Variants in NTRK1 observed in about 807,000 individuals in gnomAD.
NTRK1 encodes the protein high affinity nerve growth factor receptor.
A neutral mutation model predicts 86.8 loss-of-function variants in NTRK1; 62 were observed. The observed-to-expected ratio is 0.71, with a 90% confidence interval of 0.58 to 0.88. The LOEUF is 0.88. Ranked by LOEUF, NTRK1 falls within the 40% of genes least tolerant of loss-of-function variation. NTRK1 has a pLI of 0.00. For missense variants in NTRK1, 967 were observed against 1,078.4 expected (o/e 0.90, Z 1.45); for synonymous variants, 469 against 456.6 (o/e 1.03, Z -0.35).
chr1:156,852,773 G>C (rs1655270676), intron 2 of NTRK1, among the ~76,000 whole-genome samples: 1 of 152,250 alleles, frequency 6.6e-6, no homozygotes, highest in East Asian at 1.9e-4. Flanking sequence ...TGTGGGGTAG[G>C]GGTCAGCCAG....
chr1:156,842,113 C>T (rs1306587682), exon 2 of NTRK1: 20 of 1,613,898 alleles, frequency 1.2e-5, no homozygotes, highest in Non-Finnish European at 1.6e-5. Context: ...CCTCTGTACC[C>T]CCGATCTTGA....
Position 156,868,940 on chromosome 1 carries a change from G to GA in NTRK1, c.717+294dup, listed in dbSNP as rs1180772867. Among the ~76,000 whole-genome samples the GA allele has an allele frequency of 3.3e-5, 5 of 152,274 alleles. No individual in the cohort carries two copies. In the East Asian group the frequency reaches 9.7e-4, roughly 29 times the overall value. ...GGAACATGGTGTTGGCTGCAAGGGA[G>GA]AGGGTCACAGAAACCTTACATGTTG... On this transcript the variant is annotated intron_variant, in intron 6 of 16. Coordinates refer to ENST00000524377, the MANE Select transcript of NTRK1 (RefSeq NM_002529.4).
chr1:156,816,769 C>T, intron 1 of NTRK1: 5 of 1,466,062 alleles, frequency 3.4e-6, no homozygotes, highest in African/African-American at 1.4e-5. Flanking sequence ...GAAAGGTGTG[C>T]ACACTCAGCA....
At chr1:156,874,685 C>T (rs2102910669) in intron 10 of NTRK1, 59 bp downstream of exon 10, 1 of 1,522,380 alleles carries the variant, frequency 6.6e-7, no homozygotes, top group Non-Finnish European at 9.0e-7. Flanking sequence ...GGTAGAGGCT[C>T]ATCTGCATGT....
chr1:156,818,441 G>A (rs892153377), intron 1 of NTRK1, among the ~76,000 whole-genome samples: 3 of 152,156 alleles, frequency 2.0e-5, no homozygotes, highest in African/African-American at 7.2e-5. Flanking sequence ...CCCAAGCAGT[G>A]TACACTGTCC....
intron 1 of NTRK1, among the ~76,000 whole-genome samples, chr1:156,826,760 C>G (rs187066646): frequency 6.7e-4 from 102 of 152,322 alleles, no homozygotes; most frequent in Non-Finnish European, 2.2e-4. Context: ...TTTGCAGAAT[C>G]ATAGTATCTT....
intron 12 of NTRK1, 188 bp downstream of exon 12, chr1:156,875,854 C>A: frequency 9.2e-7 from 1 of 1,090,180 alleles, no homozygotes; most frequent in Non-Finnish European, 1.3e-6. Flanking sequence ...TTAGCTGCAT[C>A]CCCTGCCCAG....
In NTRK1 at chr1:156,841,145, C is replaced by T. The variant is rs766148962; in HGVS notation, c.-63-936C>T. 4 of 1,444,896 alleles carry T rather than the reference C, an allele frequency of 2.8e-6. No homozygotes were observed. In the South Asian group the frequency reaches 4.9e-5, roughly 18 times the overall value. 89.5% of individuals were successfully genotyped at this position (1,444,896 alleles called of 1,614,324 possible). A position where few individuals can be genotyped will look rare whatever the true frequency, so the allele number is the denominator to read the frequency against. ...AGCAGGGTCAGAGGCATCCGGGAGC[C>T]CCTGCCACGCTCTCAGCCTCCTGCA... On this transcript the variant is annotated intron_variant, in intron 1 of 16. Coordinates refer to the NTRK1 transcript ENST00000392302.
intron 3 of NTRK1, among the ~76,000 whole-genome samples, chr1:156,866,340 A>T (rs897011704): frequency 6.6e-6 from 1 of 152,138 alleles, no homozygotes; most frequent in African/African-American, 2.4e-5. Flanking sequence ...TGCTGGGCTC[A>T]CTTTTTCCAT....
intron 1 of NTRK1, among the ~76,000 whole-genome samples, chr1:156,826,026 T>C (rs1004468081): frequency 4.6e-5 from 7 of 152,130 alleles, no homozygotes; most frequent in Admixed American, 6.5e-5. Flanking sequence ...GGGATCTCAA[T>C]CACTAGCCAG....
chr1:156,860,704 G>A, upstream of NTRK1: 1 of 706,890 alleles, frequency 1.4e-6, no homozygotes. Context: ...CGGGGAGAAG[G>A]CTGACGCTGG....
At chr1:156,866,886 C>G in intron 3 of NTRK1, 24 bp from the exon 4 acceptor site, 1 of 1,613,820 alleles carries the variant, frequency 6.2e-7, no homozygotes, top group Non-Finnish European at 8.5e-7. Context: ...AGGGGTCTGT[C>G]TTGCTGTGTC....
intron 2 of NTRK1, among the ~76,000 whole-genome samples, chr1:156,847,797 A>C (rs1194744491): frequency 6.6e-6 from 1 of 152,142 alleles, no homozygotes; most frequent in African/African-American, 2.4e-5. Flanking sequence ...CTGAGGGAGC[A>C]TAGCTGCAGC....
At chr1:156,825,586 GC>G (rs200955432) in intron 1 of NTRK1, among the ~76,000 whole-genome samples, 2,255 of 152,216 alleles carry the variant, frequency 0.015, 64 homozygotes, top group African/African-American at 0.052. Context: ...CTTAACAATG[GC>G]CCCATCATTA....
rs374733964 is a variant in NTRK1, at chr1:156,845,074, A to G, written c.50+2881A>G. ...TAGAAGGTGTGTGTGTGGATCACCT[A>G]CTGTGGGGCATGGTGCGCGCAAAGA... On this transcript the variant is annotated intron_variant, in intron 2 of 16. Transcript: ENST00000392302. The G allele has an allele frequency of 2.5e-6, 4 of 1,603,674 alleles. No homozygotes were observed. In the African/African-American group the frequency reaches 4.0e-5, roughly 16 times the overall value.
At chr1:156,844,790 T>C in intron 2 of NTRK1, 2 of 1,614,128 alleles carry the variant, frequency 1.2e-6, no homozygotes, top group Non-Finnish European at 1.7e-6. Context: ...AGAAGGACAC[T>C]GTTCTTGCTG....
At chr1:156,840,700 G>A (rs1360700727) in intron 1 of NTRK1, 2 of 627,172 alleles carry the variant, frequency 3.2e-6, no homozygotes, top group Admixed American at 2.8e-5. Flanking sequence ...AAACTCCTAT[G>A]GTGAGACCCC....
In NTRK1 at chr1:156,869,018, CCCTTCCTTCCTT is replaced by C. The variant is rs773795513; in HGVS notation, c.717+432_717+443del. Among the ~76,000 whole-genome samples the C allele has an allele frequency of 2.9e-3, 125 of 43,552 alleles. 2 individuals carry two copies. The highest frequency in any genetic ancestry group is 7.6e-3 in the African/African-American group (94 of 12,364). 28.6% of individuals were successfully genotyped at this position (43,552 alleles called of 152,430 possible). On this transcript the variant is annotated intron_variant, in intron 6 of 16. Coordinates refer to ENST00000524377, the MANE Select transcript of NTRK1 (RefSeq NM_002529.4). ...CCTCCCGTACATCACTTTTCTCTCT[CCCTTCCTTCCTT>C]CCTTCCTTCCTTCCTTCCTTCCTTC...
At chr1:156,842,276 A>G (rs545349562) in intron 2 of NTRK1, 9 of 1,613,754 alleles carry the variant, frequency 5.6e-6, no homozygotes, top group Middle Eastern at 1.6e-4. Flanking sequence ...GTTGTTCTAG[A>G]GCCAAGATTG....
Sources: allele counts gnomAD v4.1 joint callset (sites outside exome capture counted in the v4.1 genomes callset), GRCh38; gene constraint gnomAD v4.1.1; transcripts MANE v1.5; gene names NCBI Gene and HGNC (gene_info 2026-07-23, HGNC 2026-07-21).